ATG16L2: variants seen among roughly 807,000 people sequenced by gnomAD.
The protein encoded by ATG16L2 is protein Atg16l2.
A neutral mutation model predicts 84.7 loss-of-function variants in ATG16L2; 77 were observed. The observed-to-expected ratio is 0.91, with a 90% CI of 0.76 to 1.10. The LOEUF is 1.10. Among genes scored for constraint, ATG16L2 ranks in the 50% least tolerant of loss-of-function variants. The probability of loss-of-function intolerance (pLI) is 0.00; values close to 1 mark genes in which losing one functional copy is unlikely to be tolerated. For synonymous variants in ATG16L2, 361 were observed against 342.8 expected, an observed-to-expected ratio of 1.05 and a Z score of -0.59; for missense variants, 782 against 817.6, an observed-to-expected ratio of 0.96 and a Z score of 0.53.
intron 5 of ATG16L2, among the ~76,000 whole-genome samples, chr11:72,841,271 C>G (rs1325776530): frequency 7.5e-6 from 1 of 132,608 alleles, no homozygotes; most frequent in Non-Finnish European, 1.5e-5. Context: ...GAATTGGTTG[C>G]TATGAGCCGT....
chr11:72,823,385 A>G (rs903525232), intron 7 of ATG16L2: 1 of 341,670 alleles, frequency 2.9e-6, no homozygotes, highest in Middle Eastern at 3.9e-4. Context: ...ATGTGTGAAT[A>G]TATAAGCATG....
In ATG16L2 at chr11:72,822,881, G is replaced by C; in HGVS notation, c.744G>C (p.Glu248Asp). ...GPDTLGDGMRERRETLALAPE... is the reference protein window; with the variant it reads ...GPDTLGDGMRDRRETLALAPE... ...ACACCCTAGGCGATGGGATGAGGGA[G>C]AGAAGGGAGACTCTGGCTCTGGCCC... The change falls in exon 7 of 18, where the codon GAG (glutamate) becomes GAC (aspartate). Residue 248 changes from glutamate to aspartate, a missense_variant. Coordinates refer to ENST00000321297, the MANE Select transcript of ATG16L2 (RefSeq NM_033388.2). This position sits in a 1 kb window ranked among gnomAD's most constrained non-coding sequence, Gnocchi z 4.2. 1 of 1,574,780 alleles carries C rather than the reference G, an allele frequency of 6.4e-7. No individual in the cohort carries two copies. The highest frequency in any genetic ancestry group is 8.6e-7 in the Non-Finnish European group (1 of 1,159,508).
rs1232165437 is a variant in ATG16L2 at position 72,822,756 on chromosome 11, C to T, written c.711-92C>T. On this transcript the variant is annotated intron_variant, in intron 6 of 17. Coordinates refer to ENST00000321297, the MANE Select transcript of ATG16L2 (RefSeq NM_033388.2). This position sits in a 1 kb window ranked among gnomAD's most constrained non-coding sequence, Gnocchi z 4.2. The stretch of plus-strand genomic sequence containing the variant: ...GTACACCCACACAGAACCCTCATCA[C>T]TGGGAATTCCTGTCTTCAGCGTATC... 1 of 1,117,876 alleles carries T rather than the reference C, an allele frequency of 8.9e-7. No individual in the cohort carries two copies. The highest frequency in any genetic ancestry group is 1.6e-5 in the African/African-American group (1 of 63,014). 69.2% of individuals were successfully genotyped at this position (1,117,876 alleles called of 1,614,324 possible).
At position 72,824,795 on chromosome 11, in the gene ATG16L2, C is replaced by T; in HGVS notation, c.949C>T (p.Pro317Ser). 6.2e-7 allele frequency: 1 copy of T among 1,610,036 alleles called. No individual in the cohort carries two copies. The highest frequency in any genetic ancestry group is 8.5e-7 in the Non-Finnish European group (1 of 1,178,134). The change falls in exon 9 of 18, where the codon CCT becomes TCT. Residue 317 changes from proline to serine, a missense_variant. Coordinates refer to ENST00000321297, the MANE Select transcript of ATG16L2 (RefSeq NM_033388.2). ...CCCTGAGCAGCGATACCAGATCATC[C>T]CTGTGTGTGTGGCTGCCCGACTTCC... The part of the protein sequence containing the change: ...GAPEQRYQII[P>S]VCVAARLPTR...
chr11:72,819,193 A>G (rs1859843598), intron 3 of ATG16L2, among the ~76,000 whole-genome samples: 1 of 152,258 alleles, frequency 6.6e-6, no homozygotes, highest in South Asian at 2.1e-4. Flanking sequence ...GTTCTCACAC[A>G]TGCTGGAAAT....
At chr11:72,832,301 C>T (rs186563184), downstream of ATG16L2, among the ~76,000 whole-genome samples, 21 of 152,350 alleles carry the variant, frequency 1.4e-4, no homozygotes, top group Admixed American at 1.2e-3. Context: ...TTACCACACA[C>T]GCTGCTGCCA....
intron 5 of ATG16L2, among the ~76,000 whole-genome samples, chr11:72,840,136 G>A (rs1056003870): frequency 2.0e-5 from 3 of 151,990 alleles, no homozygotes; most frequent in East Asian, 1.9e-4. Context: ...CCATCCATCC[G>A]CCTCTTAGCT....
At position 72,821,754 on chromosome 11, in the gene ATG16L2, CG is replaced by C; in HGVS notation, c.392+18del. 1 of 1,222,338 alleles carries C rather than the reference CG, an allele frequency of 8.2e-7. No individual in the cohort carries two copies. The allele number at this position is 1,222,338 out of a possible 1,614,324, so 75.7% of individuals were successfully genotyped here. A position where few individuals can be genotyped will look rare whatever the true frequency, so the allele number is the denominator to read the frequency against. ...AGAGGCAAAGCAGGTGAGGCGCGGG[CG>C]GGGGCGGGAGGGACCGCGCCCACCT... is the stretch of plus-strand genomic sequence containing the variant. On this transcript the variant is annotated intron_variant, in intron 4 of 17. Coordinates refer to ENST00000321297, the MANE Select transcript of ATG16L2 (RefSeq NM_033388.2).
At chr11:72,832,399 A>G (rs2135132594), downstream of ATG16L2, among the ~76,000 whole-genome samples, 1 of 152,238 alleles carries the variant, frequency 6.6e-6, no homozygotes, top group Middle Eastern at 3.4e-3. Context: ...TGCTTCCTGG[A>G]GGAACAAGTC....
chr11:72,821,587 C>T, intron 3 of ATG16L2, 81 bp from the exon 4 acceptor site: 2 of 1,496,434 alleles, frequency 1.3e-6, no homozygotes, highest in Non-Finnish European at 1.8e-6. Flanking sequence ...GAGCAGCCGA[C>T]TCCCTTAGCG....
chr11:72,822,243 C>T lies in ATG16L2; in HGVS notation c.592C>T (p.Arg198Cys). Residue 198 changes from arginine to cysteine, a missense_variant, in exon 5 of 18, where the codon CGC (arginine) becomes TGC (cysteine). Arg to Cys is a radical substitution (Grantham distance 180, BLOSUM62 -3). Coordinates refer to ENST00000321297, the MANE Select transcript of ATG16L2 (RefSeq NM_033388.2). This position sits in a 1 kb window ranked among gnomAD's most constrained non-coding sequence, Gnocchi z 4.2. The part of the protein sequence containing the change: ...ARDLLERLVQ[R>C]KARAAAERNL... ...CGACCTGCTGGAGAGGCTCGTGCAG[C>T]GCAAGGCGCGCGCCGCGGCCGAGCG... is the stretch of plus-strand genomic sequence containing the variant. 1 of 1,497,066 alleles carries T rather than the reference C, an allele frequency of 6.7e-7. No individual in the cohort carries two copies. Among genetic ancestry groups the T allele is most frequent in the Non-Finnish European group, 8.8e-7 (1 of 1,133,184 alleles). The allele number at this position is 1,497,066 out of a possible 1,614,324, so 92.7% of individuals were successfully genotyped here.
chr11:72,820,249 G>A (rs890943491), intron 3 of ATG16L2: 15 of 152,202 alleles, frequency 9.9e-5, no homozygotes, highest in African/African-American at 3.4e-4. Context: ...AACTGGGATT[G>A]GTATGAAGTG....
At chr11:72,832,131 G>A (rs1488670310), downstream of ATG16L2, among the ~76,000 whole-genome samples, 1 of 152,226 alleles carries the variant, frequency 6.6e-6, no homozygotes, top group African/African-American at 2.4e-5. Context: ...ATCTTGGGAG[G>A]CCAGCTGCGC....
At chr11:72,827,036 G>C (rs777092904) in intron 13 of ATG16L2, 152 bp from the exon 14 acceptor site, 15 of 830,782 alleles carry the variant, frequency 1.8e-5, no homozygotes, top group Non-Finnish European at 2.4e-5. Context: ...GTAGGAAAAA[G>C]ACGTGGGTGA....
chr11:72,827,340 G>A (rs1480439325), intron 14 of ATG16L2, 47 bp downstream of exon 14: 1 of 1,469,096 alleles, frequency 6.8e-7, no homozygotes, highest in Non-Finnish European at 9.5e-7. Context: ...CTGGGGACAG[G>A]GCTCCCAAGT....
Position 72,828,931 on chromosome 11 carries a change from CA to C in ATG16L2, c.1720del (p.Ile574SerfsTer34). 1 of 1,614,192 alleles carries C rather than the reference CA, an allele frequency of 6.2e-7. No homozygotes were observed. The highest frequency in any genetic ancestry group is 8.5e-7 in the Non-Finnish European group (1 of 1,180,036). ...LAGSCDGALY[I>X]WDVDTGKLES... is the part of the protein sequence containing the mutation. Reference sequence around the variant, plus strand: ...CAGGCTCCTGTGATGGGGCCCTTTACATCTGGGATGTGGACACCGGGAAACT... The same window carrying C: ...CAGGCTCCTGTGATGGGGCCCTTTACTCTGGGATGTGGACACCGGGAAACT... On this transcript the variant is annotated frameshift_variant, in exon 17 of 18. Coordinates refer to ENST00000321297, the MANE Select transcript of ATG16L2 (RefSeq NM_033388.2). LOFTEE classifies it high-confidence loss of function.
chr11:72,826,087 A>C, intron 10 of ATG16L2, 86 bp from the exon 11 acceptor site: 1 of 1,121,972 alleles, frequency 8.9e-7, no homozygotes, highest in Non-Finnish European at 1.3e-6. Flanking sequence ...GTGGGGCGGG[A>C]ACTGATCTTC....
chr11:72,838,416 T>G (rs1469281730), intron 5 of ATG16L2: 4 of 184,896 alleles, frequency 2.2e-5, no homozygotes, highest in Non-Finnish European at 3.4e-5. Context: ...CACATCCTTG[T>G]GGTCACAGTA....
intron 4 of ATG16L2, 90 bp downstream of exon 4, chr11:72,821,831 C>T (rs1371219043): frequency 6.8e-5 from 100 of 1,477,574 alleles, no homozygotes; most frequent in Non-Finnish European, 8.8e-5. Context: ...TGGCGCGGGC[C>T]GAGATCTTTC....
Sources: allele counts gnomAD v4.1 joint callset (sites outside exome capture counted in the v4.1 genomes callset), GRCh38; gene constraint gnomAD v4.1.1; non-coding constraint Gnocchi (gnomAD v3.1); transcripts MANE v1.5; gene names NCBI Gene and HGNC (gene_info 2026-07-23, HGNC 2026-07-21).